TSPAN18: variants seen among roughly 807,000 people sequenced by gnomAD.
TSPAN18 encodes the protein tetraspanin 18.
Under a neutral mutation model 27.3 loss-of-function variants are expected in TSPAN18, and 14 were observed. The ratio of observed to expected loss-of-function variants is 0.51; its 90% CI spans 0.34 to 0.80. The LOEUF is 0.80. Ranked by LOEUF, TSPAN18 falls within the 30% of genes least tolerant of loss-of-function variation. The pLI is 0.01. For missense variants in TSPAN18, 268 were observed against 323.9 expected, an observed-to-expected ratio of 0.83 and a Z score of 1.32; for synonymous variants, 143 against 136.5, an observed-to-expected ratio of 1.05 and a Z score of -0.33.
chr11:44,927,434 G>A (rs560857155), intron 9 of TSPAN18, among the ~76,000 whole-genome samples: 6 of 152,110 alleles, frequency 3.9e-5, no homozygotes, highest in East Asian at 3.9e-4. Context: ...GTCAGTCCTC[G>A]GCCTGCGGGG....
chr11:44,781,394 A>C (rs1043431389), intron 2 of TSPAN18, among the ~76,000 whole-genome samples: 1 of 152,192 alleles, frequency 6.6e-6, no homozygotes, highest in African/African-American at 2.4e-5. Flanking sequence ...ATGTTACAAC[A>C]ACCTTAATTG....
At chr11:44,882,587 G>GAGACACAC (rs1554997009) in intron 3 of TSPAN18, among the ~76,000 whole-genome samples, 13 of 130,860 alleles carry the variant, frequency 9.9e-5, no homozygotes, top group African/African-American at 3.3e-4. Flanking sequence ...CAGAGAGAGA[G>GAGACACAC]ACACACACAC....
rs189307442 is a variant in TSPAN18, at chr11:44,816,541, T to C, written c.-152-43787T>C. ...ACCCGTGCAGTCCTCCCAGCAACCCTGGGAGAGGATCTTAACTCCTCTCTC... is the reference window on the plus strand; with the variant it reads ...ACCCGTGCAGTCCTCCCAGCAACCCCGGGAGAGGATCTTAACTCCTCTCTC... On this transcript the variant is annotated intron_variant, in intron 2 of 9. Transcript: ENST00000520358. Among the ~76,000 whole-genome samples the C allele has an allele frequency of 3.7e-3, 565 of 152,222 alleles. 3 individuals are homozygous for C. The highest frequency in any genetic ancestry group is 5.2e-3 in the Non-Finnish European group (357 of 68,016).
intron 1 of TSPAN18, among the ~76,000 whole-genome samples, chr11:44,752,596 G>GTATGCATACATA (rs1172390915): frequency 3.9e-5 from 6 of 152,088 alleles, no homozygotes; most frequent in Non-Finnish European, 7.4e-5. Flanking sequence ...ACGTGCACAT[G>GTATGCATACATA]TATGCATACA....
intron 5 of TSPAN18, among the ~76,000 whole-genome samples, chr11:44,911,164 C>T (rs1859697539): frequency 6.6e-6 from 1 of 152,180 alleles, no homozygotes. Context: ...TTTAGAGAAG[C>T]GTGGGTGTGT....
In TSPAN18 at chr11:44,815,873, G is replaced by A. The variant is rs142452962; in HGVS notation, c.-152-44455G>A. Among the ~76,000 whole-genome samples the A allele has an allele frequency of 5.0e-3, 757 of 152,258 alleles. 11 individuals are homozygous for A. Among genetic ancestry groups the A allele is most frequent in the African/African-American group, 0.017 (698 of 41,544 alleles). On this transcript the variant is annotated intron_variant, in intron 2 of 9. Coordinates refer to ENST00000520358, the MANE Select transcript of TSPAN18 (RefSeq NM_130783.5). The stretch of plus-strand genomic sequence containing the variant: ...GCCGAGAGACCAGTAAAGGCAATGA[G>A]GTGGGCACAAGAGGAGGCTGGGTGG...
intron 3 of TSPAN18, among the ~76,000 whole-genome samples, chr11:44,896,916 G>C (rs557667454): frequency 6.6e-6 from 1 of 152,058 alleles, no homozygotes. Context: ...AGGTGGGTGA[G>C]TGGGTGGGTT....
chr11:44,908,799 GAAA>G lies in TSPAN18; in HGVS notation c.64-905_64-903del, dbSNP rs1282916212. Among the ~76,000 whole-genome samples the G allele has an allele frequency of 7.7e-3, 868 of 112,868 alleles. 75 individuals are homozygous for G. The highest frequency in any genetic ancestry group is 0.012 in the Non-Finnish European group (669 of 54,660). 74.0% of individuals were successfully genotyped at this position (112,868 alleles called of 152,430 possible). A position where few individuals can be genotyped will look rare whatever the true frequency, so the allele number is the denominator to read the frequency against. ...AGAAAGAAAGAAAGAAAGAAAGAAA[GAAA>G]GAAAGAAAGAAAGAAAGAAAGAAAG... is the stretch of plus-strand genomic sequence containing the variant. On this transcript the variant is annotated intron_variant, in intron 4 of 9. Transcript: ENST00000520358.
chr11:44,836,801 C>T lies in TSPAN18; in HGVS notation c.-152-23527C>T, dbSNP rs541129505. On this transcript the variant is annotated intron_variant, in intron 2 of 9. Transcript: ENST00000520358. The stretch of plus-strand genomic sequence containing the variant: ...TAAGAATGAGGCTAAATCCACTCTG[C>T]TTGTGCTCTGTAAATGGAAGAACAA... Among the ~76,000 whole-genome samples the T allele has an allele frequency of 1.2e-4, 18 of 152,326 alleles. No homozygotes were observed. The South Asian group carries it at 2.7e-3, about 23-fold the overall frequency.
intron 2 of TSPAN18, among the ~76,000 whole-genome samples, chr11:44,767,700 T>A (rs1217215235): frequency 6.6e-6 from 1 of 152,266 alleles, no homozygotes; most frequent in African/African-American, 2.4e-5. Flanking sequence ...TCATGGAGAT[T>A]TACTCCTGTG....
At chr11:44,912,594 T>C (rs1859761032) in intron 5 of TSPAN18, among the ~76,000 whole-genome samples, 1 of 152,138 alleles carries the variant, frequency 6.6e-6, no homozygotes, top group Non-Finnish European at 1.5e-5. Context: ...CAAAATGTTA[T>C]GTTATGTCAG....
At chr11:44,755,749 C>T (rs559911071) in intron 1 of TSPAN18, among the ~76,000 whole-genome samples, 5 of 152,288 alleles carry the variant, frequency 3.3e-5, no homozygotes, top group Middle Eastern at 3.4e-3. Flanking sequence ...GGCCTGGCAT[C>T]GGCTTGGGAG....
intron 2 of TSPAN18, among the ~76,000 whole-genome samples, chr11:44,846,298 A>G (rs940319936): frequency 9.2e-5 from 14 of 152,210 alleles, no homozygotes; most frequent in African/African-American, 3.1e-4. Flanking sequence ...CTTCCTGCTC[A>G]CACTCCATTC....
rs964005473 is a variant in TSPAN18, at chr11:44,815,078, T to C, written c.-152-45250T>C. On this transcript the variant is annotated intron_variant, in intron 2 of 9. Coordinates refer to ENST00000520358, the MANE Select transcript of TSPAN18 (RefSeq NM_130783.5). ...CGTGGGAGCATGGCAGTGGGAAGATTAGAGTGGCAGATGGTGAAGCCAGTC... is the reference window on the plus strand; with the variant it reads ...CGTGGGAGCATGGCAGTGGGAAGATCAGAGTGGCAGATGGTGAAGCCAGTC... Among the ~76,000 whole-genome samples, 5 of 151,978 alleles carry C rather than the reference T, an allele frequency of 3.3e-5. No homozygotes were observed. In the South Asian group the frequency reaches 1.0e-3, roughly 32 times the overall value.
chr11:44,870,649 C>T (rs1219224028), intron 3 of TSPAN18, among the ~76,000 whole-genome samples: 2 of 152,212 alleles, frequency 1.3e-5, no homozygotes, highest in East Asian at 1.9e-4. Context: ...TCTTTGGTTT[C>T]ATCCTTTGAG....
chr11:44,742,493 G>A (rs1854968207), intron 1 of TSPAN18, among the ~76,000 whole-genome samples: 1 of 152,104 alleles, frequency 6.6e-6, no homozygotes, highest in African/African-American at 2.4e-5. Context: ...AGAAGGTAGT[G>A]GCATAGTCAT....
chr11:44,883,271 C>G (rs921048144), intron 3 of TSPAN18, among the ~76,000 whole-genome samples: 4 of 152,186 alleles, frequency 2.6e-5, no homozygotes, highest in African/African-American at 9.7e-5. Flanking sequence ...TTCAGACCAC[C>G]ATTTCCATTT....
At chr11:44,847,777 A>G (rs1385825560) in intron 2 of TSPAN18, among the ~76,000 whole-genome samples, 1 of 152,140 alleles carries the variant, frequency 6.6e-6, no homozygotes, top group African/African-American at 2.4e-5. Flanking sequence ...GGAGGATGGG[A>G]AGGGGTTTGA....
chr11:44,906,571 G>A (rs541362105), intron 4 of TSPAN18, 92 bp downstream of exon 4: 62 of 1,275,282 alleles, frequency 4.9e-5, no homozygotes, highest in African/African-American at 1.5e-4. Context: ...TCCCTGGGGC[G>A]AGCACAGGGG....
Sources: gnomAD v4.1 joint callset for allele counts (sites outside exome capture counted in the v4.1 genomes callset) on GRCh38, gnomAD v4.1.1 for gene constraint, MANE v1.5 for transcripts, NCBI Gene and HGNC (gene_info 2026-07-23, HGNC 2026-07-21) for gene names.